The following SEMA6A variants were observed in gnomAD, a reference collection of about 807,000 sequenced individuals.
SEMA6A encodes the protein semaphorin 6A.
A neutral mutation model predicts 96.8 loss-of-function variants in SEMA6A; 25 were observed. The ratio of observed to expected loss-of-function variants is 0.26; its 90% CI spans 0.19 to 0.36. SEMA6A has a LOEUF of 0.36. Among genes scored for constraint, SEMA6A ranks in the 10% least tolerant of loss-of-function variants. SEMA6A has a pLI of 1.00. For missense variants in SEMA6A, 1,363 were observed against 1,323.1 expected, an observed-to-expected ratio of 1.03 and a Z score of -0.47; for synonymous variants, 612 against 518.0, an observed-to-expected ratio of 1.18 and a Z score of -2.46.
rs54099 is a variant in SEMA6A at position 116,502,542 on chromosome 5, T to A, written c.101-215A>T. On this transcript the variant is annotated intron_variant, in intron 2 of 18. Coordinates refer to ENST00000343348, the MANE Select transcript of SEMA6A (RefSeq NM_020796.5). ...AGTTACACTTTCATTTCTAGATAAT[T>A]ATAAGCCTGGATTTATATTTCTAAG... is the stretch of plus-strand genomic sequence containing the variant. 0.8 allele frequency: 413,392 copies of A among 514,656 alleles called. 167,121 individuals are homozygous for A. The highest frequency in any genetic ancestry group is 0.91 in the African/African-American group (47,404 of 51,916). 31.9% of individuals were successfully genotyped at this position (514,656 alleles called of 1,614,324 possible).
chr5:116,496,197 C>T, intron 5 of SEMA6A, 54 bp downstream of exon 5: 3 of 1,415,372 alleles, frequency 2.1e-6, no homozygotes, highest in Non-Finnish European at 3.0e-6. Flanking sequence ...CTGGAGATAA[C>T]AGTCAAAAAC....
intron 18 of SEMA6A, among the ~76,000 whole-genome samples, chr5:116,465,402 A>C (rs1755666618): frequency 6.6e-6 from 1 of 152,228 alleles, no homozygotes; most frequent in African/African-American, 2.4e-5. Flanking sequence ...AGGAACATTA[A>C]GCTACATCTT....
intron 18 of SEMA6A, among the ~76,000 whole-genome samples, chr5:116,462,013 G>C (rs1311499040): frequency 6.6e-6 from 1 of 152,144 alleles, no homozygotes; most frequent in African/African-American, 2.4e-5. Flanking sequence ...GAAAAGAGGA[G>C]AGGCCTATTT....
At chr5:116,529,306 G>A (rs1299678422) in intron 1 of SEMA6A, among the ~76,000 whole-genome samples, 1 of 152,072 alleles carries the variant, frequency 6.6e-6, no homozygotes. Flanking sequence ...TAGATAGGAG[G>A]AATTAATCCT....
At chr5:116,541,287 C>T (rs147790631) in intron 1 of SEMA6A, among the ~76,000 whole-genome samples, 45 of 152,302 alleles carry the variant, frequency 3.0e-4, no homozygotes, top group African/African-American at 8.7e-4. Context: ...TCTAAACCTA[C>T]TGTGTCAGTT....
intron 18 of SEMA6A, among the ~76,000 whole-genome samples, chr5:116,463,668 A>C (rs551438414): frequency 6.6e-6 from 1 of 152,234 alleles, no homozygotes; most frequent in Non-Finnish European, 1.5e-5. Context: ...AAATGTAATA[A>C]TGTGATAATA....
At chr5:116,547,893 G>C (rs1760252028) in intron 1 of SEMA6A, among the ~76,000 whole-genome samples, 1 of 152,182 alleles carries the variant, frequency 6.6e-6, no homozygotes, top group Non-Finnish European at 1.5e-5. Context: ...TTTGAGAGGA[G>C]CTAAAGTGCT....
At chr5:116,493,804 T>G (rs1453475568) in intron 6 of SEMA6A, among the ~76,000 whole-genome samples, 1 of 152,230 alleles carries the variant, frequency 6.6e-6, no homozygotes, top group African/African-American at 2.4e-5. Flanking sequence ...AACCCAAATC[T>G]ATATTTCTCT....
chr5:116,516,499 T>C (rs528996092), intron 1 of SEMA6A, among the ~76,000 whole-genome samples: 98 of 152,200 alleles, frequency 6.4e-4, no homozygotes, highest in Non-Finnish European at 1.2e-3. Context: ...GGTTTTTTTT[T>C]CTGAAAATTA....
intron 9 of SEMA6A, among the ~76,000 whole-genome samples, chr5:116,487,796 A>G (rs1469350306): frequency 6.6e-6 from 1 of 152,162 alleles, no homozygotes; most frequent in Admixed American, 6.5e-5. Flanking sequence ...CCCGGGAGGT[A>G]GAGGTTGCAG....
At chr5:116,484,206 T>C (rs1756928845) in intron 10 of SEMA6A, among the ~76,000 whole-genome samples, 1 of 152,152 alleles carries the variant, frequency 6.6e-6, no homozygotes, top group South Asian at 2.1e-4. Flanking sequence ...GTATTTTCTT[T>C]ATATATTAAG....
At chr5:116,456,255 G>A (rs147603284) in intron 18 of SEMA6A, among the ~76,000 whole-genome samples, 1 of 152,286 alleles carries the variant, frequency 6.6e-6, no homozygotes, top group Non-Finnish European at 1.5e-5. Flanking sequence ...CTCAAGTCCT[G>A]CCCAAAGTTT....
chr5:116,532,124 T>C (rs889017226), intron 1 of SEMA6A, among the ~76,000 whole-genome samples: 1 of 152,228 alleles, frequency 6.6e-6, no homozygotes, highest in Non-Finnish European at 1.5e-5. Context: ...ATTAAATTTA[T>C]GTTCGAGTGC....
At chr5:116,573,018 C>T (rs948817231) in intron 1 of SEMA6A, among the ~76,000 whole-genome samples, 1 of 152,220 alleles carries the variant, frequency 6.6e-6, no homozygotes, top group East Asian at 1.9e-4. Context: ...CGCTCCCTGG[C>T]TCCCCCCGTG....
chr5:116,486,136 G>A (rs1338007421), intron 10 of SEMA6A, among the ~76,000 whole-genome samples: 1 of 152,148 alleles, frequency 6.6e-6, no homozygotes, highest in Non-Finnish European at 1.5e-5. Context: ...TCTGGGTTGT[G>A]GCCCAACTTG....
At chr5:116,531,245 G>GT (rs202091839) in intron 1 of SEMA6A, among the ~76,000 whole-genome samples, 10 of 152,280 alleles carry the variant, frequency 6.6e-5, no homozygotes, top group Admixed American at 1.3e-4. Context: ...GGTCAATAAA[G>GT]TTTTTTTAAA....
chr5:116,488,691 A>G (rs538085674), intron 8 of SEMA6A, among the ~76,000 whole-genome samples, 197 bp downstream of exon 8: 20 of 152,300 alleles, frequency 1.3e-4, no homozygotes, highest in Middle Eastern at 3.4e-3. Flanking sequence ...AGTTTTGTTA[A>G]TACTCCAGAA....
At chr5:116,532,012 G>T (rs1759499252) in intron 1 of SEMA6A, among the ~76,000 whole-genome samples, 1 of 152,116 alleles carries the variant, frequency 6.6e-6, no homozygotes, top group South Asian at 2.1e-4. Flanking sequence ...CCTGCATCAG[G>T]AATAAGAACC....
chr5:116,545,288 C>T (rs368063931), intron 1 of SEMA6A, among the ~76,000 whole-genome samples: 1 of 152,064 alleles, frequency 6.6e-6, no homozygotes, highest in South Asian at 2.1e-4. Context: ...TTGCTTCCCT[C>T]GGCCAGGCAC....
Sources: gnomAD v4.1 joint callset for allele counts (sites outside exome capture counted in the v4.1 genomes callset) on GRCh38, gnomAD v4.1.1 for gene constraint, MANE v1.5 for transcripts, NCBI Gene and HGNC (gene_info 2026-07-23, HGNC 2026-07-21) for gene names.